Variants in RPS29 observed in about 807,000 individuals in gnomAD.
RPS29 encodes small ribosomal subunit protein uS14.
For missense variants in RPS29, 60 were observed against 75.7 expected (o/e 0.79, Z 0.77); for synonymous variants, 37 against 26.9 (o/e 1.37, Z -1.16).
chr14:49,592,250 G>T (rs1465810555), intron 1 of RPS29: 1 of 150,690 alleles, frequency 6.6e-6, no homozygotes, highest in Non-Finnish European at 1.5e-5. Context: ...GGCTAGTCAA[G>T]TGAAGCAGTG....
chr14:49,578,174 GA>G (rs1881238465), intron 2 of RPS29, among the ~76,000 whole-genome samples: 1 of 151,706 alleles, frequency 6.6e-6, no homozygotes. Flanking sequence ...TAATATCAAT[GA>G]GTAGCAGTCA....
intron 1 of RPS29, chr14:49,598,210 G>T: frequency 1.8e-6 from 1 of 558,476 alleles, no homozygotes; most frequent in Non-Finnish European, 3.2e-6. Context: ...CAAATTTTAA[G>T]GAGGCAAGAC....
At chr14:49,577,049 C>T (rs1205583904) in exon 3 of RPS29, 2 of 152,212 alleles carry the variant, frequency 1.3e-5, no homozygotes, top group Non-Finnish European at 2.9e-5. Flanking sequence ...CGAAACCAGC[C>T]TGGCCAAGAG....
At chr14:49,598,255 GCTCCCCAGGCGCTTCCCA>G (rs1881881172) in intron 1 of RPS29, 2 of 588,366 alleles carry the variant, frequency 3.4e-6, no homozygotes, top group Non-Finnish European at 6.0e-6. Context: ...CTTAACATTT[GCTCCCCAGGCGCTTCCCA>G]CTCCCCAGCC....
chr14:49,579,008 C>T (rs969431270), downstream of RPS29, among the ~76,000 whole-genome samples: 114 of 152,228 alleles, frequency 7.5e-4, no homozygotes, highest in Middle Eastern at 3.4e-3. Flanking sequence ...AAAATGGGGA[C>T]GGTACCTCAG....
exon 3 of RPS29, chr14:49,576,630 T>C (rs938854466): frequency 7.2e-5 from 11 of 152,200 alleles, no homozygotes; most frequent in Admixed American, 2.6e-4. Context: ...GCCTTGATTA[T>C]GGTTTGTGGG....
chr14:49,594,208 G>C (rs1244969648), intron 1 of RPS29, among the ~76,000 whole-genome samples: 2 of 152,106 alleles, frequency 1.3e-5, no homozygotes, highest in Non-Finnish European at 2.9e-5. Flanking sequence ...TTTCAGGCTT[G>C]CTCTACCTCC....
rs572450394 is a variant in RPS29 at position 49,577,718 on chromosome 14, C to G, written c.*94G>C. 3 of 956,884 alleles carry G rather than the reference C, an allele frequency of 3.1e-6. No homozygotes were observed. In the South Asian group the frequency reaches 4.0e-5, roughly 13 times the overall value. 59.3% of individuals were successfully genotyped at this position (956,884 alleles called of 1,614,324 possible). On this transcript the variant is annotated 3_prime_UTR_variant, in exon 3 of 3. Transcript: ENST00000396020. Reference sequence around the variant, plus strand: ...CCAGTTACCCTTAATTTTGACATATCAGTCTGACTGGTTCCCAGTGAACTT... The same window carrying G: ...CCAGTTACCCTTAATTTTGACATATGAGTCTGACTGGTTCCCAGTGAACTT...
intron 2 of RPS29, among the ~76,000 whole-genome samples, chr14:49,584,719 G>A (rs1474633403): frequency 6.6e-6 from 1 of 151,118 alleles, no homozygotes; most frequent in Admixed American, 6.6e-5. Context: ...CTGAGATCAC[G>A]CCACTGCACT....
upstream of RPS29, among the ~76,000 whole-genome samples, chr14:49,590,175 A>T (rs562770164): frequency 1.3e-5 from 2 of 152,306 alleles, no homozygotes; most frequent in African/African-American, 4.8e-5. Flanking sequence ...CTTGAAACTA[A>T]AAGTTTTTTT....
exon 3 of RPS29, chr14:49,577,485 G>A (rs2050006253): frequency 4.2e-6 from 2 of 479,782 alleles, no homozygotes; most frequent in Non-Finnish European, 7.7e-6. Flanking sequence ...TGCAGTTCTT[G>A]GAAGAAACAT....
intron 2 of RPS29, among the ~76,000 whole-genome samples, chr14:49,584,047 T>C (rs1881428754): frequency 6.6e-6 from 1 of 152,164 alleles, no homozygotes; most frequent in African/African-American, 2.4e-5. Flanking sequence ...AATGGAGCCA[T>C]CTCCACTCAC....
At position 49,586,002 on chromosome 14, in the gene RPS29, T is replaced by C. The variant is rs889736750; in HGVS notation, c.110A>G (p.Asn37Ser). ...RHGLIRKYGL[N>S]MCRQCFRQYA... is the part of the protein sequence containing the mutation. ...CTGACGGAAACACTGGCGGCACATA[T>C]TGAGGCCATATTTCCGGATCAGACC... The change falls in exon 2 of 3, where the codon AAT becomes AGT. Residue 37 changes from asparagine to serine, a missense_variant. Asn to Ser is a conservative substitution (Grantham distance 46). Coordinates refer to ENST00000245458, the MANE Select transcript of RPS29 (RefSeq NM_001032.5). 1.9e-6 allele frequency: 3 copies of C among 1,613,906 alleles called. No homozygotes were observed. The highest frequency in any genetic ancestry group is 1.7e-5 in the Admixed American group (1 of 60,002).
chr14:49,579,642 T>C (rs1019366410), downstream of RPS29, among the ~76,000 whole-genome samples: 1 of 152,226 alleles, frequency 6.6e-6, no homozygotes, highest in Non-Finnish European at 1.5e-5. Context: ...TATTGAGCTT[T>C]TACTAAGTAA....
exon 3 of RPS29, chr14:49,577,500 A>C (rs922656915): frequency 1.9e-6 from 1 of 517,256 alleles, no homozygotes; most frequent in African/African-American, 1.9e-5. Context: ...AAACATCATG[A>C]GTGATCTCAA....
chr14:49,596,699 C>T (rs1177588254), intron 1 of RPS29, among the ~76,000 whole-genome samples: 1 of 151,696 alleles, frequency 6.6e-6, no homozygotes, highest in Non-Finnish European at 1.5e-5. Flanking sequence ...ATGTAACTTT[C>T]ATCTATTTAT....
rs1881528690 is a variant in RPS29 at position 49,585,878 on chromosome 14, T to C, written c.162+72A>G. On this transcript the variant is annotated intron_variant, in intron 2 of 2. Coordinates refer to ENST00000245458, the MANE Select transcript of RPS29 (RefSeq NM_001032.5). ...ACTCCAGGGAAGATCTGTCCGTTTG[T>C]CTTTCGCGGAAAAAATAACCCCCAC... is the stretch of plus-strand genomic sequence containing the variant. 7.7e-6 allele frequency: 9 copies of C among 1,170,876 alleles called. No homozygotes were observed. In the South Asian group the frequency reaches 1.1e-4, roughly 14 times the overall value. 72.5% of individuals were successfully genotyped at this position (1,170,876 alleles called of 1,614,324 possible).
upstream of RPS29, among the ~76,000 whole-genome samples, chr14:49,589,229 C>A (rs1245849267): frequency 1.3e-5 from 2 of 151,894 alleles, no homozygotes; most frequent in Non-Finnish European, 2.9e-5. Context: ...TCTTTTAGAA[C>A]ACATTTTCCT....
At chr14:49,577,498 T>C in exon 3 of RPS29, 1 of 515,436 alleles carries the variant, frequency 1.9e-6, no homozygotes, top group South Asian at 1.8e-5. Context: ...AGAAACATCA[T>C]GAGTGATCTC....
Sources: allele counts gnomAD v4.1 joint callset (sites outside exome capture counted in the v4.1 genomes callset), GRCh38; gene constraint gnomAD v4.1.1; transcripts MANE v1.5; gene names NCBI Gene and HGNC (gene_info 2026-07-23, HGNC 2026-07-21).